Variants in FYB1 observed in about 807,000 individuals in gnomAD.
The protein encoded by FYB1 is FYN binding protein 1, also known as FYN-binding protein 1.
A neutral mutation model predicts 94.1 loss-of-function variants in FYB1; 41 were observed. The ratio of observed to expected loss-of-function variants is 0.44; its 90% CI spans 0.34 to 0.57. The LOEUF (loss-of-function observed/expected upper bound fraction) is 0.57, where lower values mean the gene tolerates loss of function less well. Ranked by LOEUF, FYB1 falls within the 20% of genes least tolerant of loss-of-function variation. The pLI is 0.02. For synonymous variants in FYB1, 367 were observed against 353.2 expected (o/e 1.04, Z -0.44); for missense variants, 1,050 against 976.8 (o/e 1.07, Z -1.00).
intron 2 of FYB1, among the ~76,000 whole-genome samples, chr5:39,161,153 C>A (rs1205684308): frequency 5.5e-5 from 5 of 91,156 alleles, no homozygotes; most frequent in African/African-American, 1.4e-4. Context: ...TTTATTTATT[C>A]ATTTTCTTCC....
chr5:39,237,079 A>G (rs550719786), intron 1 of FYB1, among the ~76,000 whole-genome samples: 1 of 152,224 alleles, frequency 6.6e-6, no homozygotes, highest in South Asian at 2.1e-4. Context: ...TAGAAAGCAA[A>G]TTTAACAAGT....
chr5:39,143,349 A>G (rs1350846193), intron 3 of FYB1, among the ~76,000 whole-genome samples: 1 of 152,102 alleles, frequency 6.6e-6, no homozygotes, highest in Admixed American at 6.5e-5. Context: ...CTTCAGTTCC[A>G]TGTCAAATCA....
At chr5:39,194,367 A>T (rs2150471039) in intron 2 of FYB1, among the ~76,000 whole-genome samples, 2 of 152,174 alleles carry the variant, frequency 1.3e-5, no homozygotes. Context: ...CAAAAAATTT[A>T]AAAAATACTA....
chr5:39,153,952 A>G (rs536940088), intron 2 of FYB1, among the ~76,000 whole-genome samples: 24 of 151,848 alleles, frequency 1.6e-4, no homozygotes, highest in Non-Finnish European at 2.6e-4. Flanking sequence ...TTTTTTTTAA[A>G]ATGTTATACT....
At chr5:39,198,657 C>T (rs1748038004) in intron 2 of FYB1, among the ~76,000 whole-genome samples, 1 of 151,964 alleles carries the variant, frequency 6.6e-6, no homozygotes, top group Non-Finnish European at 1.5e-5. Context: ...ATAAAATAGG[C>T]TTTGTGTGAG....
chr5:39,177,206 C>T (rs1411071339), intron 2 of FYB1, among the ~76,000 whole-genome samples: 1 of 152,188 alleles, frequency 6.6e-6, no homozygotes, highest in Non-Finnish European at 1.5e-5. Flanking sequence ...GGCTAGACAC[C>T]TATCTTGTTT....
chr5:39,268,403 T>C (rs1346206248), intron 1 of FYB1, among the ~76,000 whole-genome samples: 1 of 151,984 alleles, frequency 6.6e-6, no homozygotes, highest in African/African-American at 2.4e-5. Context: ...GATTTATTTT[T>C]TTACTTTATT....
chr5:39,126,177 G>A (rs1301736868), intron 11 of FYB1, 42 bp from the exon 12 acceptor site: 7 of 1,596,312 alleles, frequency 4.4e-6, no homozygotes, highest in South Asian at 1.1e-5. Context: ...AATAATCAGC[G>A]GCAAGTGAAG....
chr5:39,190,826 T>A (rs1271119668), intron 2 of FYB1, among the ~76,000 whole-genome samples: 3 of 150,924 alleles, frequency 2.0e-5, no homozygotes, highest in African/African-American at 7.3e-5. Flanking sequence ...CACACATACA[T>A]CTCACATCTG....
chr5:39,214,954 C>A lies in FYB1; in HGVS notation c.-28+4489G>T, dbSNP rs10805639. 3.3e-5 allele frequency among the ~76,000 whole-genome samples: 5 copies of A among 152,036 alleles called. No individual in the cohort carries two copies. In the East Asian group the frequency reaches 9.7e-4, roughly 30 times the overall value. On this transcript the variant is annotated intron_variant, in intron 1 of 18. Coordinates refer to ENST00000512982, the MANE Select transcript of FYB1 (RefSeq NM_001465.6). Reference sequence around the variant, plus strand: ...AAAAAAAAAATATTGTGTGATTTCACTTATATGATGTACCTAGAGTAGTCA... The same window carrying A: ...AAAAAAAAAATATTGTGTGATTTCAATTATATGATGTACCTAGAGTAGTCA...
chr5:39,184,557 C>T (rs751791757), intron 2 of FYB1, among the ~76,000 whole-genome samples: 17 of 152,266 alleles, frequency 1.1e-4, no homozygotes, highest in Admixed American at 2.0e-4. Flanking sequence ...GCCAAGAATT[C>T]TCACATTGAA....
At chr5:39,213,928 A>T (rs1357614520) in intron 1 of FYB1, among the ~76,000 whole-genome samples, 2 of 152,226 alleles carry the variant, frequency 1.3e-5, no homozygotes, top group Non-Finnish European at 1.5e-5. Flanking sequence ...AGAAGTTATA[A>T]TTTGGGAAGT....
chr5:39,122,854 T>G (rs1323297363), intron 13 of FYB1, among the ~76,000 whole-genome samples: 1 of 152,172 alleles, frequency 6.6e-6, no homozygotes, highest in Non-Finnish European at 1.5e-5. Context: ...CCTTCCTCCT[T>G]TCCTTCGCCT....
intron 11 of FYB1, among the ~76,000 whole-genome samples, chr5:39,127,439 A>G (rs1369089740): frequency 7.2e-6 from 1 of 138,428 alleles, no homozygotes; most frequent in Non-Finnish European, 1.5e-5. Flanking sequence ...CGACAGAGTG[A>G]GACTCTGTCT....
intron 1 of FYB1, among the ~76,000 whole-genome samples, chr5:39,241,326 G>GATAA (rs1438816588): frequency 2.0e-5 from 3 of 152,126 alleles, no homozygotes; most frequent in African/African-American, 4.8e-5. Context: ...ATAAAAGTTA[G>GATAA]ATAAATAAAT....
At chr5:39,198,545 T>C (rs190708421) in intron 2 of FYB1, among the ~76,000 whole-genome samples, 1 of 152,330 alleles carries the variant, frequency 6.6e-6, no homozygotes, top group Non-Finnish European at 1.5e-5. Flanking sequence ...ACAGTTCAAA[T>C]TAATGATTAC....
chr5:39,180,309 T>G (rs553076016), intron 2 of FYB1, among the ~76,000 whole-genome samples: 1 of 152,344 alleles, frequency 6.6e-6, no homozygotes, highest in South Asian at 2.1e-4. Flanking sequence ...ACTCAAGCCT[T>G]GCCTCCTTTG....
chr5:39,120,080 T>G (rs549992020), intron 14 of FYB1, among the ~76,000 whole-genome samples: 5 of 152,316 alleles, frequency 3.3e-5, no homozygotes, highest in African/African-American at 9.6e-5. Context: ...ATTTATACGT[T>G]GTTTTGTTCA....
At chr5:39,134,436 C>T (rs1049518043) in intron 8 of FYB1, 87 bp from the exon 9 acceptor site, 1 of 1,143,148 alleles carries the variant, frequency 8.7e-7, no homozygotes, top group African/African-American at 1.6e-5. Flanking sequence ...CACATTTGCT[C>T]TTTAAACTTT....
Sources: allele counts gnomAD v4.1 joint callset (sites outside exome capture counted in the v4.1 genomes callset), GRCh38; gene constraint gnomAD v4.1.1; transcripts MANE v1.5; gene names NCBI Gene and HGNC (gene_info 2026-07-23, HGNC 2026-07-21).